Variants in CCDC138 observed in about 807,000 individuals in gnomAD.
The protein encoded by CCDC138 is coiled-coil domain containing 138, also known as coiled-coil domain-containing protein 138.
In CCDC138, 66 loss-of-function variants were observed where a neutral mutation model predicts 82.3. The observed-to-expected ratio is 0.80, with a 90% confidence interval of 0.66 to 0.98. CCDC138 has a LOEUF of 0.98. CCDC138 is among the 50% of genes least tolerant of loss of function. CCDC138 has a pLI of 0.00. For missense variants in CCDC138, 816 were observed against 758.9 expected, an observed-to-expected ratio of 1.08 and a Z score of -0.88; for synonymous variants, 297 against 265.4, an observed-to-expected ratio of 1.12 and a Z score of -1.16.
chr2:108,839,554 T>G (rs1689117873), intron 11 of CCDC138, among the ~76,000 whole-genome samples: 1 of 152,158 alleles, frequency 6.6e-6, no homozygotes, highest in African/African-American at 2.4e-5. Flanking sequence ...GAACTTTGAT[T>G]TATCAGTGTT....
chr2:108,882,915 T>C (rs891759377), intron 2 of CCDC138: 2 of 151,942 alleles, frequency 1.3e-5, no homozygotes, highest in African/African-American at 4.8e-5. Flanking sequence ...AAAAAAGACC[T>C]TGTCTTCTTT....
At chr2:108,833,832 A>T (rs189749118) in intron 10 of CCDC138, among the ~76,000 whole-genome samples, 1 of 142,366 alleles carries the variant, frequency 7.0e-6, no homozygotes, top group East Asian at 2.1e-4. Context: ...GGTTCACGCC[A>T]TTCTCCTGCC....
At chr2:108,807,653 T>G (rs1461328732) in intron 7 of CCDC138, among the ~76,000 whole-genome samples, 1 of 152,248 alleles carries the variant, frequency 6.6e-6, no homozygotes, top group East Asian at 1.9e-4. Context: ...AGTCTCATTC[T>G]GATGCCCAGG....
rs780198411 is a variant in CCDC138, at chr2:108,798,598, G to A, written c.735+12G>A. The A allele has an allele frequency of 1.8e-5, 28 of 1,560,870 alleles. No homozygotes were observed. Among genetic ancestry groups the A allele is most frequent in the Non-Finnish European group, 2.2e-5 (25 of 1,147,116 alleles). On this transcript the variant is annotated intron_variant, in intron 6 of 14. Transcript: ENST00000295124. ...AAATTATAAAAGAGGTAACTATATA[G>A]CCTTTGATTTTAGAGTGGTATATTT...
intron 11 of CCDC138, among the ~76,000 whole-genome samples, chr2:108,842,881 A>G (rs1285757663): frequency 6.6e-6 from 1 of 152,150 alleles, no homozygotes; most frequent in East Asian, 1.9e-4. Flanking sequence ...TGGTATGGTC[A>G]TTTTACCGGT....
intron 10 of CCDC138, among the ~76,000 whole-genome samples, chr2:108,822,349 T>C (rs1009462079): frequency 6.6e-6 from 1 of 152,130 alleles, no homozygotes; most frequent in Non-Finnish European, 1.5e-5. Flanking sequence ...AACATAATAC[T>C]ACTAGGAAAC....
chr2:108,876,334 A>C lies in CCDC138; in HGVS notation c.*81A>C. On this transcript the variant is annotated 3_prime_UTR_variant, in exon 15 of 15. Coordinates refer to ENST00000295124, the MANE Select transcript of CCDC138 (RefSeq NM_144978.3). ...TTACCAAAGTAACTACAATTCTACC[A>C]AGTAAAGTTATCAGTAGCATCATTT... 8 of 767,506 alleles carry C rather than the reference A, an allele frequency of 1.0e-5. No homozygotes were observed. The highest frequency in any genetic ancestry group is 1.6e-5 in the Non-Finnish European group (8 of 493,094). The allele number at this position is 767,506 out of a possible 1,614,324, so 47.5% of individuals were successfully genotyped here. A position where few individuals can be genotyped will look rare whatever the true frequency, so the allele number is the denominator to read the frequency against.
chr2:108,847,057 T>A, intron 12 of CCDC138, 127 bp downstream of exon 12: 4 of 628,226 alleles, frequency 6.4e-6, no homozygotes, highest in Non-Finnish European at 1.1e-5. Flanking sequence ...TTATAATGGT[T>A]ACACATTATA....
Position 108,873,562 on chromosome 2 carries a change from T to C in CCDC138, c.1805T>C (p.Ile602Thr). 6.2e-7 allele frequency: 1 copy of C among 1,609,966 alleles called. No individual in the cohort carries two copies. Among genetic ancestry groups the C allele is most frequent in the Non-Finnish European group, 8.5e-7 (1 of 1,178,052 alleles). ...LDLQILEKLS[I>T]ILQKLSKIKS... is the part of the protein sequence containing the mutation. ...CTTCAAATACTAGAAAAACTCAGTA[T>C]TATTTTACAGAAACTTTCCAAAATC... The change falls in exon 14 of 15, where the codon ATT (isoleucine) becomes ACT (threonine). Residue 602 changes from isoleucine (I) to threonine (T), a missense_variant. Physicochemically the swap from Ile to Thr is moderately conservative, Grantham distance 89. Transcript: ENST00000295124.
intron 12 of CCDC138, among the ~76,000 whole-genome samples, chr2:108,848,645 G>A (rs929332392): frequency 4.6e-5 from 7 of 152,154 alleles, no homozygotes; most frequent in African/African-American, 1.7e-4. Flanking sequence ...GGAAGTGTTA[G>A]GGAAATTTAT....
chr2:108,798,041 C>G (rs925626507), intron 5 of CCDC138, among the ~76,000 whole-genome samples: 1 of 151,160 alleles, frequency 6.6e-6, no homozygotes, highest in African/African-American at 2.4e-5. Context: ...CTAATCTAGA[C>G]CTCGTTCTTT....
At chr2:108,824,683 C>G (rs1025435884) in intron 10 of CCDC138, among the ~76,000 whole-genome samples, 3 of 151,982 alleles carry the variant, frequency 2.0e-5, no homozygotes, top group African/African-American at 7.2e-5. Context: ...GTAACATAGT[C>G]ATTTATTATC....
At chr2:108,870,971 A>G (rs983480388) in intron 13 of CCDC138, among the ~76,000 whole-genome samples, 2 of 152,220 alleles carry the variant, frequency 1.3e-5, no homozygotes, top group Admixed American at 6.5e-5. Flanking sequence ...TGTTATGCAT[A>G]TTTAACACCA....
At chr2:108,810,830 G>A (rs1162999507) in intron 7 of CCDC138, among the ~76,000 whole-genome samples, 1 of 152,132 alleles carries the variant, frequency 6.6e-6, no homozygotes, top group Non-Finnish European at 1.5e-5. Flanking sequence ...TTTCTTTGTT[G>A]GGAAACTTTT....
At position 108,832,806 on chromosome 2, in the gene CCDC138, G is replaced by A. The variant is rs899402357; in HGVS notation, c.1207-6379G>A. On this transcript the variant is annotated intron_variant, in intron 10 of 14. Transcript: ENST00000295124. ...AGACACGAGCTGCCTTAGTCGTGAC[G>A]TGTATCTATTACAGGGTATGGGTGA... 4.6e-5 allele frequency among the ~76,000 whole-genome samples: 7 copies of A among 152,304 alleles called. No individual in the cohort carries two copies. In the South Asian group the frequency reaches 6.2e-4, roughly 14 times the overall value.
intron 10 of CCDC138, among the ~76,000 whole-genome samples, chr2:108,831,275 T>C (rs1219111892): frequency 1.3e-5 from 2 of 152,096 alleles, no homozygotes; most frequent in East Asian, 3.9e-4. Context: ...ATCTTAAACG[T>C]TGAAAGGACA....
chr2:108,791,616 T>C (rs892753030), intron 3 of CCDC138, 59 bp from the exon 4 acceptor site: 2 of 1,559,056 alleles, frequency 1.3e-6, no homozygotes, highest in Non-Finnish European at 1.8e-6. Context: ...AGCAGTTTTA[T>C]CTTTTTAAAG....
At chr2:108,834,604 A>G (rs1013573954) in intron 10 of CCDC138, among the ~76,000 whole-genome samples, 12 of 152,242 alleles carry the variant, frequency 7.9e-5, no homozygotes, top group African/African-American at 2.9e-4. Context: ...TAAAATATGC[A>G]TAGCTTAATA....
intron 10 of CCDC138, among the ~76,000 whole-genome samples, chr2:108,828,552 T>G (rs1687025765): frequency 6.6e-6 from 1 of 152,180 alleles, no homozygotes; most frequent in Non-Finnish European, 1.5e-5. Context: ...CCCTCACATA[T>G]AGTCCAATGA....
Sources: gnomAD v4.1 joint callset for allele counts (sites outside exome capture counted in the v4.1 genomes callset) on GRCh38, gnomAD v4.1.1 for gene constraint, MANE v1.5 for transcripts, NCBI Gene and HGNC (gene_info 2026-07-23, HGNC 2026-07-21) for gene names.